Variants in RAB3GAP1 observed in about 807,000 individuals in gnomAD.
RAB3GAP1 encodes RAB3 GTPase activating protein catalytic subunit 1.
Under a neutral mutation model 130.7 loss-of-function variants are expected in RAB3GAP1, and 86 were observed. That is an observed-to-expected ratio of 0.66 (90% CI 0.55 to 0.79). The LOEUF (loss-of-function observed/expected upper bound fraction) is 0.79. Ranked by LOEUF, RAB3GAP1 falls within the 30% of genes least tolerant of loss-of-function variation. RAB3GAP1 has a pLI of 0.00. For synonymous variants in RAB3GAP1, 367 were observed against 401.7 expected (o/e 0.91, Z 1.03); for missense variants, 1,029 against 1,169.4 (o/e 0.88, Z 1.75).
At chr2:135,164,081 T>C (rs544867568) in intron 22 of RAB3GAP1, among the ~76,000 whole-genome samples, 7 of 152,362 alleles carry the variant, frequency 4.6e-5, no homozygotes, top group African/African-American at 1.7e-4. Context: ...ATCTGTGACA[T>C]ACTTGGAAGT....
intron 15 of RAB3GAP1, among the ~76,000 whole-genome samples, chr2:135,134,550 A>G (rs1691630041): frequency 6.6e-6 from 1 of 152,238 alleles, no homozygotes; most frequent in African/African-American, 2.4e-5. Flanking sequence ...TTAATCAAAC[A>G]GAACATTTTC....
chr2:135,077,741 T>C (rs1374176442), intron 3 of RAB3GAP1, among the ~76,000 whole-genome samples: 1 of 152,242 alleles, frequency 6.6e-6, no homozygotes, highest in African/African-American at 2.4e-5. Flanking sequence ...AAAAAAATAA[T>C]GATCATTCTA....
chr2:135,074,894 G>A (rs1211584455), intron 3 of RAB3GAP1, among the ~76,000 whole-genome samples: 1 of 152,194 alleles, frequency 6.6e-6, no homozygotes. Context: ...CATGCCAAAG[G>A]GGCCATGTAT....
At chr2:135,073,037 G>T (rs189615410) in intron 3 of RAB3GAP1, among the ~76,000 whole-genome samples, 1 of 152,152 alleles carries the variant, frequency 6.6e-6, no homozygotes, top group Non-Finnish European at 1.5e-5. Flanking sequence ...TAGCTTTCCC[G>T]GGAGAAATAG....
At chr2:135,146,697 A>G (rs542973898) in intron 17 of RAB3GAP1, among the ~76,000 whole-genome samples, 6 of 152,172 alleles carry the variant, frequency 3.9e-5, no homozygotes, top group Non-Finnish European at 8.8e-5. Flanking sequence ...AAAAACAGTA[A>G]TAGATTAATT....
chr2:135,136,698 T>C (rs1168594783), intron 17 of RAB3GAP1: 1 of 1,301,760 alleles, frequency 7.7e-7, no homozygotes, highest in African/African-American at 1.5e-5. Flanking sequence ...TAAATCCTCT[T>C]TTGCAACCCA....
At chr2:135,108,600 GAAATGTCTTTTGC>G (rs1326902730) in intron 5 of RAB3GAP1, among the ~76,000 whole-genome samples, 2 of 150,808 alleles carry the variant, frequency 1.3e-5, no homozygotes, top group Non-Finnish European at 2.9e-5. Flanking sequence ...TCCTCTATCT[GAAATGTCTTTTGC>G]AAATATTTTC....
Position 135,126,263 on chromosome 2 carries a change from G to T in RAB3GAP1, c.899+14G>T. ...TGATGTTTATTCGTAAGTATGTTAA[G>T]AGTAGTAGTACACTGAGATTAAAAA... On this transcript the variant is annotated intron_variant, in intron 10 of 23. Transcript: ENST00000264158. The T allele has an allele frequency of 6.3e-7, 1 of 1,596,836 alleles. No individual in the cohort carries two copies. Among genetic ancestry groups the T allele is most frequent in the Non-Finnish European group, 8.6e-7 (1 of 1,164,722 alleles).
At chr2:135,118,979 C>G (rs1472683854) in intron 7 of RAB3GAP1, among the ~76,000 whole-genome samples, 2 of 152,174 alleles carry the variant, frequency 1.3e-5, no homozygotes, top group African/African-American at 2.4e-5. Context: ...GTGCCGCCTT[C>G]CACACCTCAA....
Position 135,164,596 on chromosome 2 carries a change from T to C in RAB3GAP1, c.2609T>C (p.Phe870Ser), listed in dbSNP as rs1692576173. 1 of 1,609,762 alleles carries C rather than the reference T, an allele frequency of 6.2e-7. No individual in the cohort carries two copies. ...CATTGCCTGTCTCTGTCTCCTAGGT[T>C]TGTGAGTTGCCTGCTGGAGCAGCCT... ...QEEEKEDLERFVSCLLEQPEV... is the reference protein window; with the variant it reads ...QEEEKEDLERSVSCLLEQPEV... The change falls in exon 23 of 24, where the codon TTT becomes TCT. Residue 870 changes from phenylalanine (F) to serine (S), a missense_variant and splice_region_variant. This residue lies in a region of RAB3GAP1 where 146 missense variants were observed against 143.7 expected (regional missense o/e 1.02). Transcript: ENST00000264158.
intron 7 of RAB3GAP1, among the ~76,000 whole-genome samples, chr2:135,119,976 T>C (rs945070742): frequency 1.3e-5 from 2 of 152,222 alleles, no homozygotes; most frequent in Admixed American, 6.5e-5. Context: ...CTAAGTTTTC[T>C]TTTGTTAGCT....
chr2:135,076,530 G>A (rs1326647837), intron 3 of RAB3GAP1, among the ~76,000 whole-genome samples: 1 of 152,114 alleles, frequency 6.6e-6, no homozygotes, highest in African/African-American at 2.4e-5. Context: ...ATTTTCTACT[G>A]TCTCATTGGA....
At chr2:135,109,417 A>G in intron 5 of RAB3GAP1, among the ~76,000 whole-genome samples, 1 of 152,146 alleles carries the variant, frequency 6.6e-6, no homozygotes, top group Non-Finnish European at 1.5e-5. Context: ...GATTTTTACA[A>G]TTAAATTAAA....
At chr2:135,086,755 C>T (rs773659764) in intron 3 of RAB3GAP1, among the ~76,000 whole-genome samples, 1 of 148,468 alleles carries the variant, frequency 6.7e-6, no homozygotes, top group Non-Finnish European at 1.5e-5. Flanking sequence ...CTCACTGCAG[C>T]CTTAAACTCT....
intron 11 of RAB3GAP1, among the ~76,000 whole-genome samples, chr2:135,127,956 C>T (rs1477394434): frequency 6.6e-6 from 1 of 152,096 alleles, no homozygotes; most frequent in African/African-American, 2.4e-5. Flanking sequence ...ATTTAGTACA[C>T]ATGAAAATAT....
intron 17 of RAB3GAP1, among the ~76,000 whole-genome samples, chr2:135,138,916 T>C (rs914294888): frequency 1.3e-5 from 2 of 152,150 alleles, no homozygotes; most frequent in Non-Finnish European, 2.9e-5. Flanking sequence ...GTGCCCAGCC[T>C]CAATTTCTTA....
chr2:135,154,338 A>T (rs1311868281), intron 19 of RAB3GAP1, among the ~76,000 whole-genome samples: 1 of 152,218 alleles, frequency 6.6e-6, no homozygotes, highest in Non-Finnish European at 1.5e-5. Flanking sequence ...AGCAGCTATT[A>T]AAAAACATTT....
At chr2:135,167,611 C>G (rs1343256188) in intron 23 of RAB3GAP1, 1 of 1,198,356 alleles carries the variant, frequency 8.3e-7, no homozygotes, top group East Asian at 2.6e-5. Context: ...TGAAATAATC[C>G]TGAACTCCCT....
chr2:135,148,668 C>CT (rs60407802), intron 17 of RAB3GAP1, among the ~76,000 whole-genome samples: 7,833 of 113,030 alleles, frequency 0.069, 950 homozygotes, highest in African/African-American at 0.24. Context: ...ATTTTTGTAT[C>CT]TTTTTTTTTT....
Sources: gnomAD v4.1 joint callset for allele counts (sites outside exome capture counted in the v4.1 genomes callset) on GRCh38, gnomAD v4.1.1 for gene constraint, gnomAD v4.1.1 regional missense constraint, MANE v1.5 for transcripts, NCBI Gene and HGNC (gene_info 2026-07-23, HGNC 2026-07-21) for gene names.